Variants in RAB15 observed in about 807,000 individuals in gnomAD.
RAB15 encodes the protein ras-related protein Rab-15.
A neutral mutation model predicts 31.8 loss-of-function variants in RAB15; 13 were observed. The ratio of observed to expected loss-of-function variants is 0.41; its 90% CI spans 0.27 to 0.65. The LOEUF is 0.65. Ranked by LOEUF, RAB15 falls within the 30% of genes least tolerant of loss-of-function variation. The pLI is 0.32. For missense variants in RAB15, 220 were observed against 277.3 expected (o/e 0.79, Z 1.47); for synonymous variants, 100 against 105.6 (o/e 0.95, Z 0.33).
At position 64,968,948 on chromosome 14, in the gene RAB15, G is replaced by A. The variant is rs72625651; in HGVS notation, c.124+3005C>T. Among the ~76,000 whole-genome samples, 1 of 152,152 alleles carries A rather than the reference G, an allele frequency of 6.6e-6. No individual in the cohort carries two copies. The highest frequency in any genetic ancestry group is 2.4e-5 in the African/African-American group (1 of 41,426). On this transcript the variant is annotated intron_variant, in intron 1 of 6. Coordinates refer to ENST00000533601, the MANE Select transcript of RAB15 (RefSeq NM_001308154.2). This position sits in a 1 kb window ranked among gnomAD's most constrained non-coding sequence, Gnocchi z 4.9. ...CAGGGAGGCCTCTCACTGCTCCCTGGCGGGTTCTTCTCTAGAAGATCGCAG... is the reference window on the plus strand; with the variant it reads ...CAGGGAGGCCTCTCACTGCTCCCTGACGGGTTCTTCTCTAGAAGATCGCAG...
Position 64,948,612 on chromosome 14 carries a change from C to G in RAB15, c.480+56G>C. The G allele has an allele frequency of 6.2e-7, 1 of 1,611,622 alleles. No homozygotes were observed. The highest frequency in any genetic ancestry group is 8.5e-7 in the Non-Finnish European group (1 of 1,178,154). ...AAGGTCCATCTTATGGCTCCTCCTC[C>G]CACCTCTGCTGGACTCAGCCCGAGA... On this transcript the variant is annotated intron_variant, in intron 6 of 6. Coordinates refer to ENST00000533601, the MANE Select transcript of RAB15 (RefSeq NM_001308154.2). The surrounding 1 kb of genome is among the most constrained non-coding windows in gnomAD (Gnocchi z 7.0).
intron 1 of RAB15, among the ~76,000 whole-genome samples, chr14:64,961,121 G>A (rs1886830021): frequency 1.3e-5 from 2 of 152,144 alleles, no homozygotes; most frequent in South Asian, 2.1e-4. Context: ...ACTCCACAAC[G>A]AGGAACAACC....
Position 64,950,252 on chromosome 14 carries a change from T to A in RAB15, c.414+73A>T. 8.0e-7 allele frequency: 1 copy of A among 1,252,396 alleles called. No individual in the cohort carries two copies. The highest frequency in any genetic ancestry group is 1.2e-6 in the Non-Finnish European group (1 of 852,784). 77.6% of individuals were successfully genotyped at this position (1,252,396 alleles called of 1,614,324 possible). ...TGCCACTGGGGAACACACCCCTAGGTCCCCACGCTCAGGACTGGCCCTGGA... is the reference window on the plus strand; with the variant it reads ...TGCCACTGGGGAACACACCCCTAGGACCCCACGCTCAGGACTGGCCCTGGA... On this transcript the variant is annotated intron_variant, in intron 5 of 6. Transcript: ENST00000533601. The surrounding 1 kb of genome is among the most constrained non-coding windows in gnomAD (Gnocchi z 5.6).
At chr14:64,961,257 T>G (rs1314151873) in intron 1 of RAB15, among the ~76,000 whole-genome samples, 1 of 152,192 alleles carries the variant, frequency 6.6e-6, no homozygotes, top group Non-Finnish European at 1.5e-5. Flanking sequence ...GTGGGCCATG[T>G]GCACCTCCTG....
rs183439502 is a variant in RAB15 at position 64,948,108 on chromosome 14, G to C, written c.*246C>G. ...GTGCTTGCGGCACATCGTGGGGGTC[G>C]TAGCAGGCCTGTGGCTGGGGAAACA... On this transcript the variant is annotated 3_prime_UTR_variant, in exon 7 of 7. Transcript: ENST00000533601. The surrounding 1 kb of genome is among the most constrained non-coding windows in gnomAD (Gnocchi z 7.0). 1.8e-3 allele frequency: 764 copies of C among 435,868 alleles called. 10 individuals carry two copies. The highest frequency in any genetic ancestry group is 0.014 in the African/African-American group (699 of 49,262). The allele number at this position is 435,868 out of a possible 1,614,324, so 27.0% of individuals were successfully genotyped here. A position where few individuals can be genotyped will look rare whatever the true frequency, so the allele number is the denominator to read the frequency against.
intron 5 of RAB15, among the ~76,000 whole-genome samples, chr14:64,949,292 A>G (rs1405210234): frequency 2.0e-5 from 3 of 152,236 alleles, no homozygotes; most frequent in Non-Finnish European, 4.4e-5. Flanking sequence ...TCTACTTTCA[A>G]ATTGGTCAAT....
Position 64,972,165 on chromosome 14 carries a change from G to T in RAB15, c.-89C>A, listed in dbSNP as rs1008998548. ...CCATCGCGGCCCGCGCCCGCCCGGG[G>T]ACGCTGCGGGCGGCGAGGAGGACGC... On this transcript the variant is annotated 5_prime_UTR_variant, in exon 1 of 7. Transcript: ENST00000533601. This position sits in a 1 kb window ranked among gnomAD's most constrained non-coding sequence, Gnocchi z 6.3. 9.7e-6 allele frequency: 11 copies of T among 1,130,690 alleles called. No homozygotes were observed. The highest frequency in any genetic ancestry group is 7.5e-5 in the East Asian group (2 of 26,578). 70.0% of individuals were successfully genotyped at this position (1,130,690 alleles called of 1,614,324 possible).
Position 64,968,536 on chromosome 14 carries a change from A to G in RAB15, c.124+3417T>C, listed in dbSNP as rs1566850486. 6.6e-6 allele frequency among the ~76,000 whole-genome samples: 1 copy of G among 152,236 alleles called. No homozygotes were observed. Among genetic ancestry groups the G allele is most frequent in the African/African-American group, 2.4e-5 (1 of 41,474 alleles). Reference sequence around the variant, plus strand: ...GATACCCACTGTGAGACCTTCATTAAGAGTAACTGCAATGATCATAATCCA... The same window carrying G: ...GATACCCACTGTGAGACCTTCATTAGGAGTAACTGCAATGATCATAATCCA... On this transcript the variant is annotated intron_variant, in intron 1 of 6. Coordinates refer to ENST00000533601, the MANE Select transcript of RAB15 (RefSeq NM_001308154.2). This position sits in a 1 kb window ranked among gnomAD's most constrained non-coding sequence, Gnocchi z 4.9.
intron 1 of RAB15, among the ~76,000 whole-genome samples, chr14:64,966,938 A>T (rs1294096670): frequency 2.0e-5 from 3 of 152,010 alleles, no homozygotes; most frequent in African/African-American, 7.3e-5. Context: ...CAGTCTAGAA[A>T]CCTGCAAACC....
chr14:64,963,397 T>C (rs1167929973), intron 1 of RAB15, among the ~76,000 whole-genome samples: 1 of 152,004 alleles, frequency 6.6e-6, no homozygotes, highest in Non-Finnish European at 1.5e-5. Context: ...TGGTGACATG[T>C]GCAGTGTGCT....
chr14:64,961,353 C>T (rs1349387087), intron 1 of RAB15, among the ~76,000 whole-genome samples: 5 of 152,164 alleles, frequency 3.3e-5, no homozygotes, highest in African/African-American at 1.2e-4. Context: ...ACAGGGATCC[C>T]GGGAGCTGAT....
In RAB15 at chr14:64,952,645, A is replaced by T; in HGVS notation, c.125-74T>A. 1 of 1,102,242 alleles carries T rather than the reference A, an allele frequency of 9.1e-7. No individual in the cohort carries two copies. The highest frequency in any genetic ancestry group is 1.3e-5 in the South Asian group (1 of 78,072). The allele number at this position is 1,102,242 out of a possible 1,614,324, so 68.3% of individuals were successfully genotyped here. ...ATGAACAGGAAAGGGCCAGGCAATCACACTTGAAAGGTTTCCTTTCAGTTT... is the reference window on the plus strand; with the variant it reads ...ATGAACAGGAAAGGGCCAGGCAATCTCACTTGAAAGGTTTCCTTTCAGTTT... On this transcript the variant is annotated intron_variant, in intron 1 of 6. Transcript: ENST00000533601. This position sits in a 1 kb window ranked among gnomAD's most constrained non-coding sequence, Gnocchi z 4.2.
Position 64,947,616 on chromosome 14 carries a change from T to C in RAB15, c.*738A>G, listed in dbSNP as rs1885986125. 1 of 152,578 alleles carries C rather than the reference T, an allele frequency of 6.6e-6. No individual in the cohort carries two copies. Among genetic ancestry groups the C allele is most frequent in the Non-Finnish European group, 1.5e-5 (1 of 68,082 alleles). The allele number at this position is 152,578 out of a possible 1,614,324, so 9.5% of individuals were successfully genotyped here. A position where few individuals can be genotyped will look rare whatever the true frequency, so the allele number is the denominator to read the frequency against. Reference sequence around the variant, plus strand: ...CAAGGGCAAAGCTCTGGTCGGGGAATGGGTAGAGGTAGGGCAGCCCCAGGC... The same window carrying C: ...CAAGGGCAAAGCTCTGGTCGGGGAACGGGTAGAGGTAGGGCAGCCCCAGGC... On this transcript the variant is annotated 3_prime_UTR_variant, in exon 7 of 7. Coordinates refer to ENST00000533601, the MANE Select transcript of RAB15 (RefSeq NM_001308154.2). This position sits in a 1 kb window ranked among gnomAD's most constrained non-coding sequence, Gnocchi z 5.6.
rs550439263 is a variant in RAB15, at chr14:64,968,093, C to T, written c.124+3860G>A. 6.6e-6 allele frequency among the ~76,000 whole-genome samples: 1 copy of T among 152,292 alleles called. No individual in the cohort carries two copies. Among genetic ancestry groups the T allele is most frequent in the African/African-American group, 2.4e-5 (1 of 41,558 alleles). On this transcript the variant is annotated intron_variant, in intron 1 of 6. Transcript: ENST00000533601. The surrounding 1 kb of genome is among the most constrained non-coding windows in gnomAD (Gnocchi z 4.9). Reference sequence around the variant, plus strand: ...ATTCATTCATTAATTTAACAACAGGCATTGAATCTGCCTGGCCCTGTACTA... The same window carrying T: ...ATTCATTCATTAATTTAACAACAGGTATTGAATCTGCCTGGCCCTGTACTA...
At position 64,951,613 on chromosome 14, in the gene RAB15, C is replaced by G; in HGVS notation, c.236G>C (p.Arg79Pro). 1 of 1,614,168 alleles carries G rather than the reference C, an allele frequency of 6.2e-7. No individual in the cohort carries two copies. Among genetic ancestry groups the G allele is most frequent in the Non-Finnish European group, 8.5e-7 (1 of 1,180,022 alleles). ...RYQTITKQYY[R>P]RAQGIFLVYD... Reference sequence around the variant, plus strand: ...AATGTGGTGGCTTACCTGGGCCCGCCGATAGTACTGCTTTGTGATGGTCTG... The same window carrying G: ...AATGTGGTGGCTTACCTGGGCCCGCGGATAGTACTGCTTTGTGATGGTCTG... The change falls in exon 3 of 7, where the codon CGG becomes CCG. Residue 79 changes from arginine (R) to proline (P), a missense_variant. Coordinates refer to ENST00000533601, the MANE Select transcript of RAB15 (RefSeq NM_001308154.2). This position sits in a 1 kb window ranked among gnomAD's most constrained non-coding sequence, Gnocchi z 7.2.
chr14:64,955,067 G>A lies in RAB15; in HGVS notation c.125-2496C>T, dbSNP rs546617763. 1.5e-4 allele frequency among the ~76,000 whole-genome samples: 23 copies of A among 151,960 alleles called. No individual in the cohort carries two copies. The highest frequency in any genetic ancestry group is 2.6e-4 in the Non-Finnish European group (18 of 67,968). ...CGGGGGACTAAGGCTGAGGAATTCC[G>A]GGGCTCGCAGCACTCCCCGGCCTCA... On this transcript the variant is annotated intron_variant, in intron 1 of 6. Coordinates refer to ENST00000533601, the MANE Select transcript of RAB15 (RefSeq NM_001308154.2). The surrounding 1 kb of genome is among the most constrained non-coding windows in gnomAD (Gnocchi z 4.4).
In RAB15 at chr14:64,955,225, T is replaced by TTTCC. The variant is rs1886480168; in HGVS notation, c.125-2658_125-2655dup. On this transcript the variant is annotated intron_variant, in intron 1 of 6. Transcript: ENST00000533601. The surrounding 1 kb of genome is among the most constrained non-coding windows in gnomAD (Gnocchi z 4.4). The stretch of plus-strand genomic sequence containing the variant: ...AGTAAGTCTATGTCTTCTGAAGGAT[T>TTTCC]TTCCTTCCTCCCTCCCCGCCCACAC... Among the ~76,000 whole-genome samples the TTTCC allele has an allele frequency of 6.6e-6, 1 of 152,084 alleles. No homozygotes were observed. Among genetic ancestry groups the TTTCC allele is most frequent in the Non-Finnish European group, 1.5e-5 (1 of 68,014 alleles).
chr14:64,953,059 G>T lies in RAB15; in HGVS notation c.125-488C>A, dbSNP rs7143541. On this transcript the variant is annotated intron_variant, in intron 1 of 6. Transcript: ENST00000533601. The surrounding 1 kb of genome is among the most constrained non-coding windows in gnomAD (Gnocchi z 4.6). ...ATAGTGCCAGACTGTGGAGAGAGAG[G>T]AGGGCTCTTCCAACCCATGATTGTA... is the stretch of plus-strand genomic sequence containing the variant. Among the ~76,000 whole-genome samples the T allele has an allele frequency of 0.16, 24,919 of 152,046 alleles. 2,833 individuals are homozygous for T. Among genetic ancestry groups the T allele is most frequent in the East Asian group, 0.58 (3,010 of 5,160 alleles).
intron 1 of RAB15, among the ~76,000 whole-genome samples, chr14:64,961,546 C>T (rs1886858428): frequency 6.6e-6 from 1 of 152,174 alleles, no homozygotes; most frequent in African/African-American, 2.4e-5. Context: ...GCAGCCAGGG[C>T]ACTCTGGAGT....
Sources: gnomAD v4.1 joint callset for allele counts (sites outside exome capture counted in the v4.1 genomes callset) on GRCh38, gnomAD v4.1.1 for gene constraint, Gnocchi (gnomAD v3.1) non-coding constraint, MANE v1.5 for transcripts, NCBI Gene and HGNC (gene_info 2026-07-23, HGNC 2026-07-21) for gene names.